Variants in NUP210L observed in about 807,000 individuals in gnomAD.
NUP210L encodes nuclear pore membrane glycoprotein 210-like.
NUP210L carries 74 observed loss-of-function variants against 208.5 expected under a neutral mutation model. That is an observed-to-expected ratio of 0.35 (90% CI 0.29 to 0.43). The LOEUF (loss-of-function observed/expected upper bound fraction) is 0.43. NUP210L is among the 20% of genes least tolerant of loss of function. The probability of loss-of-function intolerance (pLI) is 1.00; values close to 1 mark genes in which losing one functional copy is unlikely to be tolerated. For synonymous variants in NUP210L, 780 were observed against 816.9 expected, an observed-to-expected ratio of 0.95 and a Z score of 0.77; for missense variants, 1,843 against 2,289.4, an observed-to-expected ratio of 0.81 and a Z score of 3.98.
At chr1:154,104,423 G>T in intron 12 of NUP210L, 1 of 544,346 alleles carries the variant, frequency 1.8e-6, no homozygotes, top group Non-Finnish European at 3.3e-6. Context: ...ATCAAGGAAG[G>T]AGCCACTGAA....
chr1:154,129,205 G>T, intron 8 of NUP210L, 72 bp downstream of exon 8: 1 of 835,388 alleles, frequency 1.2e-6, no homozygotes, highest in South Asian at 1.5e-5. Flanking sequence ...TTGAAGAAAT[G>T]CTGTATAATG....
chr1:154,118,645 T>C (rs1307784541), intron 11 of NUP210L, 26 bp downstream of exon 11: 1 of 1,398,468 alleles, frequency 7.2e-7, no homozygotes, highest in East Asian at 2.5e-5. Flanking sequence ...GCTTATCTCC[T>C]TGTGAAGCCT....
At chr1:154,048,544 G>A (rs754582727) in intron 25 of NUP210L, among the ~76,000 whole-genome samples, 8 of 152,162 alleles carry the variant, frequency 5.3e-5, no homozygotes, top group African/African-American at 1.2e-4. Context: ...ATGGGAAACC[G>A]ATTTTGGGAA....
At chr1:153,993,120 A>G (rs767386782) in intron 38 of NUP210L, 31 bp from the exon 39 acceptor site, 1 of 1,545,402 alleles carries the variant, frequency 6.5e-7, no homozygotes, top group Non-Finnish European at 8.8e-7. Context: ...GTCACAAGGC[A>G]TATCTGAGGA....
intron 2 of NUP210L, among the ~76,000 whole-genome samples, chr1:154,146,064 C>T (rs142072267): frequency 2.0e-5 from 3 of 152,124 alleles, no homozygotes; most frequent in African/African-American, 7.2e-5. Context: ...ATATAAAGAA[C>T]CAGGACTCCT....
At chr1:154,142,872 G>C (rs1162069159) in intron 3 of NUP210L, among the ~76,000 whole-genome samples, 3 of 146,550 alleles carry the variant, frequency 2.0e-5, no homozygotes, top group Non-Finnish European at 3.0e-5. Context: ...CTAGGCAACA[G>C]AGCGAGACTC....
chr1:154,082,874 T>A (rs1655417401), intron 16 of NUP210L, among the ~76,000 whole-genome samples: 1 of 152,080 alleles, frequency 6.6e-6, no homozygotes, highest in Non-Finnish European at 1.5e-5. Context: ...GGGTTCATCA[T>A]CTCGCTGGCT....
At chr1:154,002,255 G>A (rs947229881) in intron 35 of NUP210L, among the ~76,000 whole-genome samples, 7 of 152,078 alleles carry the variant, frequency 4.6e-5, no homozygotes, top group South Asian at 2.1e-4. Context: ...TCACTGTGTC[G>A]TGCAGGCTAG....
At chr1:154,074,488 ATTTTT>A (rs113689298) in intron 16 of NUP210L, among the ~76,000 whole-genome samples, 1 of 125,788 alleles carries the variant, frequency 7.9e-6, no homozygotes, top group Non-Finnish European at 1.7e-5. Flanking sequence ...TGGGATCACG[ATTTTT>A]TTTTTTTTTT....
At chr1:154,044,684 C>G (rs1653078899) in intron 27 of NUP210L, among the ~76,000 whole-genome samples, 1 of 152,154 alleles carries the variant, frequency 6.6e-6, no homozygotes, top group Non-Finnish European at 1.5e-5. Context: ...CCTCTATTAT[C>G]TCCCAAGATA....
intron 6 of NUP210L, among the ~76,000 whole-genome samples, chr1:154,136,919 C>CAAA (rs11374907): frequency 0.28 from 17,455 of 62,592 alleles, 3,575 homozygotes; most frequent in Admixed American, 0.4. Flanking sequence ...GAATCCATCT[C>CAAA]AAAAAAAAAA....
chr1:154,066,493 C>T lies in NUP210L; in HGVS notation c.2554+3780G>A, dbSNP rs550059373. On this transcript the variant is annotated intron_variant, in intron 17 of 39. Transcript: ENST00000368559. ...GGGTGCGGTGGCGGGCGCCTGTAGT[C>T]CCAGCTACTCAGGAGGCTGAGGCAG... Among the ~76,000 whole-genome samples, 5 of 152,260 alleles carry T rather than the reference C, an allele frequency of 3.3e-5. No homozygotes were observed. The South Asian group carries it at 1.0e-3, about 32-fold the overall frequency.
chr1:154,007,907 T>C lies in NUP210L; in HGVS notation c.4930+2065A>G, dbSNP rs772451052. ...TTATTTTTGAGACGGAGTCTTGCTCTGTTGCCTAGGCTGGAGTGCAGTGGC... is the reference window on the plus strand; with the variant it reads ...TTATTTTTGAGACGGAGTCTTGCTCCGTTGCCTAGGCTGGAGTGCAGTGGC... On this transcript the variant is annotated intron_variant, in intron 35 of 39. Coordinates refer to ENST00000368559, the Ensembl canonical transcript of NUP210L. Among the ~76,000 whole-genome samples the C allele has an allele frequency of 1.0e-3, 150 of 148,554 alleles. 1 individual carries two copies. Among genetic ancestry groups the C allele is most frequent in the Admixed American group, 1.8e-3 (27 of 14,794 alleles).
intron 27 of NUP210L, among the ~76,000 whole-genome samples, chr1:154,035,776 C>G (rs1041449895): frequency 2.1e-4 from 32 of 151,880 alleles, no homozygotes; most frequent in Non-Finnish European, 1.5e-5. Flanking sequence ...CTTTGTCACC[C>G]AGGCTGGAGT....
chr1:153,995,826 G>A (rs1649823221), intron 37 of NUP210L: 1 of 621,930 alleles, frequency 1.6e-6, no homozygotes, highest in Admixed American at 1.9e-5. Context: ...AAGTTCTTAC[G>A]AGATTGTCCA....
intron 37 of NUP210L, among the ~76,000 whole-genome samples, chr1:154,000,647 C>T (rs752999553): frequency 4.6e-5 from 7 of 152,088 alleles, no homozygotes; most frequent in Non-Finnish European, 8.8e-5. Context: ...TGGTTGGGGA[C>T]CAGAGCAGGA....
intron 12 of NUP210L, among the ~76,000 whole-genome samples, chr1:154,108,905 A>G (rs1455215772): frequency 1.3e-5 from 2 of 151,784 alleles, no homozygotes; most frequent in Non-Finnish European, 2.9e-5. Flanking sequence ...GTTCGAGACC[A>G]GCCTGACCAA....
At chr1:154,058,438 A>G in intron 21 of NUP210L, 127 bp downstream of exon 21, 1 of 1,191,102 alleles carries the variant, frequency 8.4e-7, no homozygotes, top group Non-Finnish European at 1.2e-6. Flanking sequence ...AAGGGCAGGT[A>G]TTTCCATTAA....
chr1:154,034,824 A>T (rs938050413), intron 27 of NUP210L, among the ~76,000 whole-genome samples: 6 of 148,272 alleles, frequency 4.0e-5, no homozygotes, highest in Non-Finnish European at 8.9e-5. Flanking sequence ...TATTGGTTGT[A>T]ATGTCTCTCT....
Sources: gnomAD v4.1 joint callset for allele counts (sites outside exome capture counted in the v4.1 genomes callset) on GRCh38, gnomAD v4.1.1 for gene constraint, MANE v1.5 for transcripts, NCBI Gene and HGNC (gene_info 2026-07-23, HGNC 2026-07-21) for gene names.